The following PFKM variants were observed in gnomAD, a reference collection of about 807,000 sequenced individuals.
PFKM encodes the protein ATP-dependent 6-phosphofructokinase, muscle type.
PFKM carries 58 observed loss-of-function variants against 95.5 expected under a neutral mutation model. That is an observed-to-expected ratio of 0.61 (90% CI 0.49 to 0.76). PFKM has a LOEUF of 0.76. PFKM is among the 30% of genes least tolerant of loss of function. The pLI is 0.00. For missense variants in PFKM, 678 were observed against 1,005.4 expected (o/e 0.67, Z 4.40); for synonymous variants, 336 against 357.2 (o/e 0.94, Z 0.67).
At chr12:48,144,272 T>C in intron 20 of PFKM, 115 bp downstream of exon 20, 2 of 751,640 alleles carry the variant, frequency 2.7e-6, no homozygotes, top group Non-Finnish European at 4.8e-6. Flanking sequence ...TGGAGGAGCC[T>C]GTCAGTGCCA....
chr12:48,142,527 T>C lies in PFKM; in HGVS notation c.1654-255T>C, dbSNP rs1478602664. ...CAAATGTTTTGTTTGTTTTTTTTTTTCTTTCTGAGATCATGCAGTCTAATT... is the reference window on the plus strand; with the variant it reads ...CAAATGTTTTGTTTGTTTTTTTTTTCCTTTCTGAGATCATGCAGTCTAATT... On this transcript the variant is annotated intron_variant, in intron 17 of 22. Coordinates refer to ENST00000359794, the MANE Select transcript of PFKM (RefSeq NM_000289.6). The C allele has an allele frequency of 1.7e-5, 9 of 529,434 alleles. No homozygotes were observed. In the Admixed American group the frequency reaches 1.9e-4, roughly 11 times the overall value. The allele number at this position is 529,434 out of a possible 1,614,324, so 32.8% of individuals were successfully genotyped here. A position where few individuals can be genotyped will look rare whatever the true frequency, so the allele number is the denominator to read the frequency against.
chr12:48,110,722 G>A (rs1434582051), intron 3 of PFKM, among the ~76,000 whole-genome samples: 2 of 152,168 alleles, frequency 1.3e-5, no homozygotes, highest in Non-Finnish European at 2.9e-5. Context: ...AAGAAAAATG[G>A]AATATATTTC....
intron 1 of PFKM, among the ~76,000 whole-genome samples, chr12:48,106,948 C>A (rs1035753866): frequency 6.6e-6 from 1 of 152,206 alleles, no homozygotes; most frequent in South Asian, 2.1e-4. Flanking sequence ...GCCATACTTT[C>A]TAAGAGAACA....
At chr12:48,142,358 A>C in intron 17 of PFKM, 1 of 452,124 alleles carries the variant, frequency 2.2e-6, no homozygotes, top group Non-Finnish European at 4.1e-6. Flanking sequence ...CTGTAATCCC[A>C]GCTACTTGGG....
At chr12:48,115,506 A>T (rs1431527384), upstream of PFKM, among the ~76,000 whole-genome samples, 1 of 152,260 alleles carries the variant, frequency 6.6e-6, no homozygotes, top group Non-Finnish European at 1.5e-5. Context: ...GGGGGAGATT[A>T]CAAAGTACAT....
intron 6 of PFKM, 152 bp downstream of exon 6, chr12:48,133,632 C>T (rs1220091622): frequency 1.4e-6 from 1 of 692,556 alleles, no homozygotes; most frequent in Non-Finnish European, 2.5e-6. Flanking sequence ...GAAAAATTAT[C>T]TAGAGCACTG....
At chr12:48,137,195 A>G (rs1047357034) in intron 10 of PFKM, among the ~76,000 whole-genome samples, 5 of 150,910 alleles carry the variant, frequency 3.3e-5, no homozygotes, top group Non-Finnish European at 5.9e-5. Context: ...CTGAGTAGCT[A>G]GGATTACAGG....
chr12:48,107,465 T>C (rs1178575010), intron 2 of PFKM: 10 of 1,543,944 alleles, frequency 6.5e-6, no homozygotes, highest in Admixed American at 5.0e-5. Flanking sequence ...GGTACCCTTG[T>C]CTCCTGATCA....
At chr12:48,120,095 T>C (rs976577303) in intron 1 of PFKM, among the ~76,000 whole-genome samples, 1 of 152,186 alleles carries the variant, frequency 6.6e-6, no homozygotes, top group African/African-American at 2.4e-5. Flanking sequence ...GTCTTGTTTT[T>C]TCCTTTCCAC....
chr12:48,108,486 A>C (rs555936921), intron 3 of PFKM, among the ~76,000 whole-genome samples: 1 of 152,202 alleles, frequency 6.6e-6, no homozygotes, highest in Non-Finnish European at 1.5e-5. Context: ...TATTAAATCA[A>C]TTGGCTCATA....
In PFKM at chr12:48,146,036, G is replaced by T; in HGVS notation, c.*328G>T. The stretch of plus-strand genomic sequence containing the variant: ...TTTCTTTGTGATAACAAAGAGTCTT[G>T]GTTCCTCTACTACTTTTACTACAGT... On this transcript the variant is annotated 3_prime_UTR_variant, in exon 23 of 23. Transcript: ENST00000359794. 1 of 330,834 alleles carries T rather than the reference G, an allele frequency of 3.0e-6. No individual in the cohort carries two copies. The highest frequency in any genetic ancestry group is 5.8e-6 in the Non-Finnish European group (1 of 173,524). The allele number at this position is 330,834 out of a possible 1,614,324, so 20.5% of individuals were successfully genotyped here. A position where few individuals can be genotyped will look rare whatever the true frequency, so the allele number is the denominator to read the frequency against.
upstream of PFKM, among the ~76,000 whole-genome samples, chr12:48,117,919 G>A (rs137922217): frequency 2.4e-3 from 359 of 152,236 alleles, no homozygotes; most frequent in Non-Finnish European, 3.5e-3. Context: ...AGGGGGGAGC[G>A]GGGCTTCCAG....
intron 2 of PFKM, chr12:48,125,177 C>A: frequency 3.6e-6 from 1 of 274,280 alleles, no homozygotes; most frequent in Admixed American, 4.8e-5. Context: ...ATGGCTTCAG[C>A]CGCCAAAACT....
At chr12:48,134,136 G>T in intron 6 of PFKM, 96 bp from the exon 7 acceptor site, 1 of 983,966 alleles carries the variant, frequency 1.0e-6, no homozygotes, top group South Asian at 1.3e-5. Flanking sequence ...CAGCATACAT[G>T]TATCTCCCAG....
chr12:48,113,107 T>A (rs1947352613), intron 3 of PFKM, among the ~76,000 whole-genome samples: 1 of 152,124 alleles, frequency 6.6e-6, no homozygotes, highest in East Asian at 1.9e-4. Flanking sequence ...TGCCTTGACC[T>A]AACAAGGGAA....
At chr12:48,124,193 G>T (rs575094602) in intron 2 of PFKM, among the ~76,000 whole-genome samples, 57 of 152,306 alleles carry the variant, frequency 3.7e-4, no homozygotes, top group Non-Finnish European at 6.8e-4. Context: ...ATCAGAAAGT[G>T]CTAGAATGAA....
intron 4 of PFKM, chr12:48,132,322 A>C: frequency 3.4e-6 from 1 of 292,324 alleles, no homozygotes; most frequent in South Asian, 3.2e-5. Flanking sequence ...TTTTCCTGTG[A>C]ATACCTGGAT....
intron 19 of PFKM, 21 bp from the exon 20 acceptor site, chr12:48,144,025 C>A: frequency 6.5e-7 from 1 of 1,535,876 alleles, no homozygotes; most frequent in Non-Finnish European, 9.0e-7. Flanking sequence ...GAGTCACAGG[C>A]TTTTGGTCTC....
chr12:48,137,065 C>CT (rs1235123072), intron 10 of PFKM, among the ~76,000 whole-genome samples: 1,385 of 123,120 alleles, frequency 0.011, 20 homozygotes, highest in African/African-American at 0.03. Context: ...TTTTTTTTTT[C>CT]TTTTTTTTTT....
Sources: allele counts gnomAD v4.1 joint callset (sites outside exome capture counted in the v4.1 genomes callset), GRCh38; gene constraint gnomAD v4.1.1; transcripts MANE v1.5; gene names NCBI Gene and HGNC (gene_info 2026-07-23, HGNC 2026-07-21).